Variants in PCDHA4 observed in about 807,000 individuals in gnomAD.
The protein encoded by PCDHA4 is protocadherin alpha 4.
Under a neutral mutation model 61.4 loss-of-function variants are expected in PCDHA4, and 49 were observed. The ratio of observed to expected loss-of-function variants is 0.80; its 90% CI spans 0.63 to 1.01. PCDHA4 has a LOEUF of 1.01. PCDHA4 is among the 50% of genes least tolerant of loss of function. PCDHA4 has a pLI of 0.00. For missense variants in PCDHA4, 1,254 were observed against 1,235.8 expected, an observed-to-expected ratio of 1.01 and a Z score of -0.22; for synonymous variants, 590 against 550.3, an observed-to-expected ratio of 1.07 and a Z score of -1.01.
intron 1 of PCDHA4, among the ~76,000 whole-genome samples, chr5:140,947,982 T>C (rs1178353293): frequency 1.3e-5 from 2 of 148,572 alleles, no homozygotes; most frequent in Admixed American, 1.3e-4. Flanking sequence ...CTCATAGGTT[T>C]TTCCCAAATA....
intron 3 of PCDHA4, among the ~76,000 whole-genome samples, chr5:141,003,440 T>G (rs1194575812): frequency 6.6e-6 from 1 of 152,100 alleles, no homozygotes; most frequent in Non-Finnish European, 1.5e-5. Flanking sequence ...GCCTCCCAAG[T>G]AGATGAAATT....
chr5:140,828,987 C>T (rs2150161632), intron 1 of PCDHA4: 5 of 1,613,856 alleles, frequency 3.1e-6, no homozygotes, highest in Admixed American at 3.3e-5. Flanking sequence ...GATCGAAATA[C>T]GGGAGAAATA....
chr5:140,878,084 T>C (rs782330226), intron 1 of PCDHA4: 82 of 330,796 alleles, frequency 2.5e-4, no homozygotes, highest in Admixed American at 2.3e-4. Flanking sequence ...TATAATATTT[T>C]ATATGACTGA....
chr5:140,835,158 A>G, intron 1 of PCDHA4: 1 of 1,455,544 alleles, frequency 6.9e-7, no homozygotes, highest in Non-Finnish European at 9.3e-7. Context: ...TTCTATCGGA[A>G]CGCTGGTGAT....
At chr5:140,829,825 C>A in intron 1 of PCDHA4, 1 of 1,613,864 alleles carries the variant, frequency 6.2e-7, no homozygotes, top group African/African-American at 1.3e-5. Context: ...GTGCAGTGAG[C>A]GAGCTGGTGC....
rs530240100 is a variant in PCDHA4 at position 140,875,788 on chromosome 5, C to T, written c.2385+66216C>T. 5 of 1,614,194 alleles carry T rather than the reference C, an allele frequency of 3.1e-6. No individual in the cohort carries two copies. In the Admixed American group the frequency reaches 5.0e-5, roughly 16 times the overall value. The stretch of plus-strand genomic sequence containing the variant: ...GCGGAGCGCGGAGTGCAGTATCCAC[C>T]TGGAGGTGATCGTGGACAGGCCGCT... On this transcript the variant is annotated intron_variant, in intron 1 of 3. Coordinates refer to ENST00000530339, the MANE Select transcript of PCDHA4 (RefSeq NM_018907.4).
rs1554124944 is a variant in PCDHA4, at chr5:140,809,014, CG to C, written c.1828del (p.Glu610SerfsTer42). ...DSGYNAWLSY[E>X]LQPGTGGARI... ...CGGGCTACAACGCGTGGCTTTCGTA[CG>C]AGCTGCAGCCGGGGACTGGTGGCGC... On this transcript the variant is annotated frameshift_variant, in exon 1 of 4. Transcript: ENST00000530339. LOFTEE classifies it high-confidence loss of function. 6.2e-7 allele frequency: 1 copy of C among 1,613,716 alleles called. No individual in the cohort carries two copies. The highest frequency in any genetic ancestry group is 1.1e-5 in the South Asian group (1 of 91,068).
chr5:140,812,332 G>C (rs1296138326), intron 1 of PCDHA4: 1 of 151,914 alleles, frequency 6.6e-6, no homozygotes, highest in Non-Finnish European at 1.5e-5. Context: ...TGTGGCATCA[G>C]GTGTAATGCC....
rs782684247 is a variant in PCDHA4, at chr5:140,870,024, A to T, written c.2385+60452A>T. The T allele has an allele frequency of 3.1e-6, 5 of 1,613,624 alleles. No individual in the cohort carries two copies. The Admixed American group carries it at 6.7e-5, about 22-fold the overall frequency. On this transcript the variant is annotated intron_variant, in intron 1 of 3. Coordinates refer to ENST00000530339, the MANE Select transcript of PCDHA4 (RefSeq NM_018907.4). The stretch of plus-strand genomic sequence containing the variant: ...GAGAAGTGAGGGTCAATGGAACTTT[A>T]GATTATGAAGAAAACAAGTTTTATA...
At chr5:140,896,882 T>C (rs1345268084) in intron 1 of PCDHA4, among the ~76,000 whole-genome samples, 1 of 152,198 alleles carries the variant, frequency 6.6e-6, no homozygotes. Flanking sequence ...TTATGGGGTA[T>C]ATGAGACATT....
chr5:140,822,283 A>G (rs1767257556), intron 1 of PCDHA4: 1 of 1,614,254 alleles, frequency 6.2e-7, no homozygotes, highest in Non-Finnish European at 8.5e-7. Context: ...ATTGAGATAC[A>G]GGTTAAATCC....
chr5:140,989,534 A>G (rs1201139003), intron 3 of PCDHA4, among the ~76,000 whole-genome samples: 1 of 152,184 alleles, frequency 6.6e-6, no homozygotes, highest in African/African-American at 2.4e-5. Flanking sequence ...GGAGGAAGAT[A>G]GTTTGTAATT....
intron 1 of PCDHA4, chr5:140,875,686 G>A: frequency 6.2e-7 from 1 of 1,613,582 alleles, no homozygotes; most frequent in Non-Finnish European, 8.5e-7. Flanking sequence ...CAAAAGACAC[G>A]GGGACCTTCT....
At position 140,809,171 on chromosome 5, in the gene PCDHA4, A is replaced by G. The variant is rs1554125055; in HGVS notation, c.1984A>G (p.Thr662Ala). The G allele has an allele frequency of 5.0e-6, 8 of 1,613,860 alleles. No individual in the cohort carries two copies. The South Asian group carries it at 5.5e-5, about 11-fold the overall frequency. ...CCACGGCGAGCCCGCGCTGACGGCC[A>G]CGGCCACTGTGCTGGTGTCACTTGT... ...KDHGEPALTA[T>A]ATVLVSLVES... Residue 662 changes from threonine to alanine, a missense_variant, in exon 1 of 4, where the codon ACG becomes GCG. Physicochemically the swap from Thr to Ala is moderately conservative, Grantham distance 58. Coordinates refer to ENST00000530339, the MANE Select transcript of PCDHA4 (RefSeq NM_018907.4).
At chr5:140,869,227 G>C (rs782048898) in intron 1 of PCDHA4, 1 of 1,613,788 alleles carries the variant, frequency 6.2e-7, no homozygotes, top group South Asian at 1.1e-5. Context: ...GGCCAAACAC[G>C]GCACCTTCGT....
chr5:140,808,989 C>T lies in PCDHA4; in HGVS notation c.1802C>T (p.Ser601Leu). 1 of 1,613,702 alleles carries T rather than the reference C, an allele frequency of 6.2e-7. No individual in the cohort carries two copies. Among genetic ancestry groups the T allele is most frequent in the Non-Finnish European group, 8.5e-7 (1 of 1,179,748 alleles). The change falls in exon 1 of 4, where the codon TCG becomes TTG. Residue 601 changes from serine (S) to leucine (L), a missense_variant. Coordinates refer to ENST00000530339, the MANE Select transcript of PCDHA4 (RefSeq NM_018907.4). ...AAGGTGCGCGCGGTGGATGCTGACT[C>T]GGGCTACAACGCGTGGCTTTCGTAC... ...VAKVRAVDAD[S>L]GYNAWLSYEL...
In PCDHA4 at chr5:141,010,527, G is replaced by T; in HGVS notation, c.*590G>T. On this transcript the variant is annotated 3_prime_UTR_variant, in exon 4 of 4. Transcript: ENST00000530339. ...AAATCTTACAACTCAAGAGGTGGCA[G>T]CCACCCTCTAGGAGACAAAACTACC... The T allele has an allele frequency of 2.3e-6, 1 of 431,062 alleles. No homozygotes were observed. Among genetic ancestry groups the T allele is most frequent in the African/African-American group, 2.0e-5 (1 of 49,970 alleles). 26.7% of individuals were successfully genotyped at this position (431,062 alleles called of 1,614,324 possible).
chr5:140,957,581 C>T (rs1396438252), intron 1 of PCDHA4, among the ~76,000 whole-genome samples: 3 of 152,066 alleles, frequency 2.0e-5, no homozygotes, highest in South Asian at 2.1e-4. Flanking sequence ...GTACTTTTAA[C>T]AAAGCACTTC....
chr5:140,887,670 C>A (rs368430565), intron 1 of PCDHA4, among the ~76,000 whole-genome samples: 2 of 151,988 alleles, frequency 1.3e-5, no homozygotes, highest in Non-Finnish European at 2.9e-5. Flanking sequence ...GTGGATTTAT[C>A]ATTTTCATCA....
Sources: gnomAD v4.1 joint callset for allele counts (sites outside exome capture counted in the v4.1 genomes callset) on GRCh38, gnomAD v4.1.1 for gene constraint, MANE v1.5 for transcripts, NCBI Gene and HGNC (gene_info 2026-07-23, HGNC 2026-07-21) for gene names.